Variants in TANC1 observed in about 807,000 individuals in gnomAD.
TANC1 encodes protein TANC1.
A neutral mutation model predicts 149.7 loss-of-function variants in TANC1; 77 were observed. The observed-to-expected ratio is 0.51, with a 90% CI of 0.43 to 0.62. TANC1 has a LOEUF of 0.62. Ranked by LOEUF, TANC1 falls within the 20% of genes least tolerant of loss-of-function variation. The probability of loss-of-function intolerance (pLI) is 0.00; values close to 1 mark genes in which losing one functional copy is unlikely to be tolerated. For missense variants in TANC1, 1,985 were observed against 2,321.8 expected, an observed-to-expected ratio of 0.85 and a Z score of 2.98; for synonymous variants, 854 against 925.0, an observed-to-expected ratio of 0.92 and a Z score of 1.39.
At chr2:159,021,933 T>TA (rs976455688) in intron 2 of TANC1, among the ~76,000 whole-genome samples, 4 of 152,134 alleles carry the variant, frequency 2.6e-5, no homozygotes, top group Non-Finnish European at 5.9e-5. Context: ...AAGTCCCATT[T>TA]AAAAAATTAA....
Position 159,219,804 on chromosome 2 carries a change from C to G in TANC1, c.3615C>G (p.Asp1205Glu), listed in dbSNP as rs2059573366. The G allele has an allele frequency of 1.2e-6, 2 of 1,613,918 alleles. No homozygotes were observed. The highest frequency in any genetic ancestry group is 3.3e-5 in the Admixed American group (2 of 59,998). The stretch of plus-strand genomic sequence containing the variant: ...TGGTTGAAGAAGGAGCTGCAATAGA[C>G]CAGACAGACAAGAATGGCCGCACAC... The part of the protein sequence containing the change: ...QYLVEEGAAI[D>E]QTDKNGRTPL... Residue 1205 changes from aspartate to glutamate, a missense_variant, in exon 22 of 27, where the codon GAC becomes GAG. Around this residue, in one of 3 missense-constraint regions of TANC1, gnomAD observed 920 missense variants for 994.7 expected, o/e 0.92. Coordinates refer to ENST00000263635, the MANE Select transcript of TANC1 (RefSeq NM_033394.3).
intron 16 of TANC1, among the ~76,000 whole-genome samples, chr2:159,193,712 C>T (rs922755599): frequency 3.9e-5 from 6 of 152,052 alleles, no homozygotes; most frequent in East Asian, 1.9e-4. Context: ...TTAGTAGAGA[C>T]GGGGTTTCAC....
chr2:159,036,443 T>C (rs1311271308), intron 2 of TANC1, among the ~76,000 whole-genome samples: 3 of 152,262 alleles, frequency 2.0e-5, no homozygotes, highest in African/African-American at 7.2e-5. Flanking sequence ...ATGTGCCATG[T>C]TGGTTTGCTG....
chr2:158,977,483 G>A (rs1277204065), intron 1 of TANC1, among the ~76,000 whole-genome samples: 1 of 151,776 alleles, frequency 6.6e-6, no homozygotes, highest in Non-Finnish European at 1.5e-5. Context: ...GCTAATTTTT[G>A]TATTTTTCAT....
At chr2:158,989,176 T>A (rs1363127877) in intron 1 of TANC1, among the ~76,000 whole-genome samples, 1 of 152,134 alleles carries the variant, frequency 6.6e-6, no homozygotes, top group Non-Finnish European at 1.5e-5. Context: ...AAATGCAGAT[T>A]TGTGGATGCT....
chr2:159,093,315 T>G (rs528450359), intron 3 of TANC1, among the ~76,000 whole-genome samples: 1 of 152,364 alleles, frequency 6.6e-6, no homozygotes, highest in East Asian at 1.9e-4. Context: ...CCAGCTGTGC[T>G]GGTTGTTGCA....
chr2:159,168,765 C>T, intron 8 of TANC1, among the ~76,000 whole-genome samples: 1 of 151,768 alleles, frequency 6.6e-6, no homozygotes, highest in Non-Finnish European at 1.5e-5. Flanking sequence ...TATGATTATA[C>T]TATTACTACT....
intron 1 of TANC1, among the ~76,000 whole-genome samples, chr2:158,997,688 G>C (rs557321405): frequency 6.6e-6 from 1 of 152,284 alleles, no homozygotes; most frequent in South Asian, 2.1e-4. Flanking sequence ...GGAATAATTT[G>C]AGCAACAAAA....
chr2:159,097,812 A>G lies in TANC1; in HGVS notation c.237A>G (p.Ser79=). The G allele has an allele frequency of 6.2e-7, 1 of 1,613,098 alleles. No homozygotes were observed. The highest frequency in any genetic ancestry group is 8.5e-7 in the Non-Finnish European group (1 of 1,179,376). Residue 79 remains serine (S), a synonymous_variant, in exon 4 of 27, where the codon TCA becomes TCG. Coordinates refer to ENST00000263635, the MANE Select transcript of TANC1 (RefSeq NM_033394.3). ...CTCGACAGTCTCACTTGGTGCAATC[A>G]AGAGTGAACAAAAAATCCCCAGGTA... ...LLPRQSHLVQ[S]RVNKKSPGPV...
intron 14 of TANC1, 53 bp downstream of exon 14, chr2:159,179,216 G>A: frequency 6.4e-7 from 1 of 1,557,322 alleles, no homozygotes; most frequent in Non-Finnish European, 8.7e-7. Context: ...TGTGCAGTTG[G>A]GGAAAGGATT....
intron 1 of TANC1, among the ~76,000 whole-genome samples, chr2:158,986,444 T>C (rs1483213651): frequency 6.6e-6 from 1 of 152,206 alleles, no homozygotes; most frequent in Admixed American, 6.5e-5. Context: ...GCTAATGATA[T>C]ACCTCCAGGT....
At chr2:159,002,263 T>C (rs2036677049) in intron 2 of TANC1, among the ~76,000 whole-genome samples, 1 of 152,108 alleles carries the variant, frequency 6.6e-6, no homozygotes, top group Admixed American at 6.5e-5. Flanking sequence ...TGCCCTTTCT[T>C]CCTGCTGGCC....
chr2:159,178,916 C>T lies in TANC1; in HGVS notation c.2263C>T (p.Leu755Phe). 6.2e-7 allele frequency: 1 copy of T among 1,614,206 alleles called. No individual in the cohort carries two copies. Among genetic ancestry groups the T allele is most frequent in the Non-Finnish European group, 8.5e-7 (1 of 1,180,048 alleles). ...FMTQSAFERA[L>F]PILNVALASL... ...GACCCAGTCCGCCTTTGAGAGGGCA[C>T]TTCCGATTCTCAACGTGGCCCTCGC... is the stretch of plus-strand genomic sequence containing the variant. Residue 755 changes from leucine to phenylalanine, a missense_variant, in exon 14 of 27, where the codon CTT (leucine) becomes TTT (phenylalanine). Physicochemically the swap from Leu to Phe is conservative, Grantham distance 22. Transcript: ENST00000263635.
intron 3 of TANC1, among the ~76,000 whole-genome samples, chr2:159,077,876 A>C (rs1245241218): frequency 6.6e-6 from 1 of 152,194 alleles, no homozygotes; most frequent in East Asian, 1.9e-4. Context: ...GGTTTTGTCA[A>C]ATTGTCCCTT....
At chr2:159,127,683 G>C (rs2049604296) in intron 4 of TANC1, among the ~76,000 whole-genome samples, 1 of 152,166 alleles carries the variant, frequency 6.6e-6, no homozygotes, top group African/African-American at 2.4e-5. Flanking sequence ...AACACATGGA[G>C]AAGAACAACA....
intron 2 of TANC1, among the ~76,000 whole-genome samples, chr2:159,011,767 A>C (rs2037793989): frequency 1.3e-5 from 2 of 152,092 alleles, no homozygotes; most frequent in Admixed American, 6.6e-5. Flanking sequence ...TAAAAAAATG[A>C]TTTTTATATG....
At chr2:159,136,062 G>GTGT in intron 4 of TANC1, 132 bp from the exon 5 acceptor site, 1 of 567,024 alleles carries the variant, frequency 1.8e-6, no homozygotes, top group Non-Finnish European at 3.0e-6. Flanking sequence ...GCGCGCGCGC[G>GTGT]TTTAAGGGAG....
At chr2:159,107,862 A>C (rs934297038) in intron 4 of TANC1, among the ~76,000 whole-genome samples, 1 of 152,176 alleles carries the variant, frequency 6.6e-6, no homozygotes, top group African/African-American at 2.4e-5. Flanking sequence ...TGCTCTGCAT[A>C]ACCCTTTATT....
rs11883673 is a variant in TANC1, at chr2:159,199,111, T to C, written c.3244+58T>C. On this transcript the variant is annotated intron_variant, in intron 19 of 26. Coordinates refer to ENST00000263635, the MANE Select transcript of TANC1 (RefSeq NM_033394.3). ...CAGCTTGCTTGATGTTTTAGCCCTA[T>C]TTTGGCCTAATTGTCTTAAGAATGA... 1,591 of 1,388,444 alleles carry C rather than the reference T, an allele frequency of 1.1e-3. 21 individuals carry two copies. The African/African-American group carries it at 0.019, about 16-fold the overall frequency. 86.0% of individuals were successfully genotyped at this position (1,388,444 alleles called of 1,614,324 possible).
Sources: allele counts gnomAD v4.1 joint callset (sites outside exome capture counted in the v4.1 genomes callset), GRCh38; gene constraint gnomAD v4.1.1; regional missense constraint gnomAD v4.1.1; transcripts MANE v1.5; gene names NCBI Gene and HGNC (gene_info 2026-07-23, HGNC 2026-07-21).